PDE4D: variants seen among roughly 807,000 people sequenced by gnomAD.
The protein encoded by PDE4D is 3',5'-cyclic-AMP phosphodiesterase 4D.
PDE4D carries 24 observed loss-of-function variants against 87.4 expected under a neutral mutation model. That is an observed-to-expected ratio of 0.27 (90% CI 0.20 to 0.39). The LOEUF is 0.39. Ranked by LOEUF, PDE4D falls within the 10% of genes least tolerant of loss-of-function variation. The probability of loss-of-function intolerance (pLI) is 1.00; values close to 1 mark genes in which losing one functional copy is unlikely to be tolerated. For missense variants in PDE4D, 714 were observed against 1,041.0 expected (o/e 0.69, Z 4.32); for synonymous variants, 384 against 383.2 (o/e 1.00, Z -0.02).
chr5:59,070,086 C>T (rs1490698983), intron 5 of PDE4D, among the ~76,000 whole-genome samples: 2 of 152,106 alleles, frequency 1.3e-5, no homozygotes, highest in Non-Finnish European at 1.5e-5. Context: ...AGAAATATTA[C>T]AGCAATTTCT....
At chr5:59,704,087 G>A (rs1458484527) in intron 1 of PDE4D, among the ~76,000 whole-genome samples, 3 of 152,138 alleles carry the variant, frequency 2.0e-5, no homozygotes, top group East Asian at 3.9e-4. Context: ...CAAGGAGTGC[G>A]AGGGAGGTAA....
At chr5:59,601,045 A>T (rs2150029555) in intron 1 of PDE4D, among the ~76,000 whole-genome samples, 1 of 152,282 alleles carries the variant, frequency 6.6e-6, no homozygotes, top group East Asian at 1.9e-4. Context: ...TTCTGTTTGG[A>T]GGATCTAGCA....
intron 1 of PDE4D, among the ~76,000 whole-genome samples, chr5:59,563,180 G>A (rs1037568128): frequency 5.3e-5 from 8 of 152,174 alleles, no homozygotes; most frequent in South Asian, 2.1e-4. Flanking sequence ...ACATGCTGCT[G>A]AGCAGATGAT....
At chr5:60,368,096 T>A (rs983456356) in intron 1 of PDE4D, among the ~76,000 whole-genome samples, 2 of 152,154 alleles carry the variant, frequency 1.3e-5, no homozygotes, top group Non-Finnish European at 2.9e-5. Flanking sequence ...AAGCTGCAAA[T>A]ATTTCAAAGA....
chr5:59,778,733 G>A (rs1366972518), intron 1 of PDE4D, among the ~76,000 whole-genome samples: 1 of 152,164 alleles, frequency 6.6e-6, no homozygotes, highest in African/African-American at 2.4e-5. Flanking sequence ...CTAGACACAG[G>A]TAGAAAAGGA....
At chr5:59,395,201 G>C (rs559242563) in intron 1 of PDE4D, among the ~76,000 whole-genome samples, 7 of 151,952 alleles carry the variant, frequency 4.6e-5, no homozygotes, top group African/African-American at 9.7e-5. Context: ...CAAAGCAGCC[G>C]GGAAGCTCCA....
At chr5:59,573,349 A>C (rs1324639507) in intron 1 of PDE4D, among the ~76,000 whole-genome samples, 1 of 152,128 alleles carries the variant, frequency 6.6e-6, no homozygotes, top group Non-Finnish European at 1.5e-5. Context: ...CATCAAAATC[A>C]CTTACTTCAG....
chr5:59,068,057 A>G (rs936096129), intron 5 of PDE4D, among the ~76,000 whole-genome samples: 7 of 152,194 alleles, frequency 4.6e-5, no homozygotes, highest in Admixed American at 3.3e-4. Context: ...CATGAACCAC[A>G]TTGACTTGAG....
intron 3 of PDE4D, among the ~76,000 whole-genome samples, chr5:59,189,016 G>A (rs1258027424): frequency 6.6e-6 from 1 of 152,154 alleles, no homozygotes; most frequent in African/African-American, 2.4e-5. Context: ...AGCACAGTCT[G>A]CAAGCTTGAG....
chr5:60,295,000 G>A (rs1753245428), intron 1 of PDE4D, among the ~76,000 whole-genome samples: 1 of 152,078 alleles, frequency 6.6e-6, no homozygotes. Flanking sequence ...AATGAGCAAA[G>A]TATATCTCTC....
chr5:59,684,203 CT>C (rs1395462529), intron 1 of PDE4D, among the ~76,000 whole-genome samples: 1 of 152,198 alleles, frequency 6.6e-6, no homozygotes, highest in Non-Finnish European at 1.5e-5. Flanking sequence ...GCCCTCCCTT[CT>C]TTCCCAAAAG....
chr5:58,974,352 T>G lies in PDE4D; in HGVS notation c.*312A>C. ...AGAAACCCCAAGTCCAATAAACTTTTGGGCTGCCTGATGAGTCACACTCTC... is the reference window on the plus strand; with the variant it reads ...AGAAACCCCAAGTCCAATAAACTTTGGGGCTGCCTGATGAGTCACACTCTC... On this transcript the variant is annotated 3_prime_UTR_variant, in exon 15 of 15. Transcript: ENST00000340635. 1 of 212,382 alleles carries G rather than the reference T, an allele frequency of 4.7e-6. No individual in the cohort carries two copies. 13.2% of individuals were successfully genotyped at this position (212,382 alleles called of 1,614,324 possible).
chr5:59,938,549 A>T (rs1756855512), intron 3 of PDE4D, among the ~76,000 whole-genome samples: 1 of 152,176 alleles, frequency 6.6e-6, no homozygotes, highest in Non-Finnish European at 1.5e-5. Flanking sequence ...TAGGCCAAAA[A>T]GGCTTCAGAC....
intron 5 of PDE4D, among the ~76,000 whole-genome samples, chr5:59,067,829 AAAAAAG>A (rs1414493978): frequency 3.9e-5 from 6 of 152,240 alleles, no homozygotes; most frequent in Non-Finnish European, 7.3e-5. Flanking sequence ...AAAAGAAAAC[AAAAAAG>A]AAAAAGGACA....
At chr5:59,768,490 G>A (rs763393916) in intron 1 of PDE4D, 13 of 1,598,304 alleles carry the variant, frequency 8.1e-6, no homozygotes, top group East Asian at 2.2e-5. Flanking sequence ...TAAAGTGTCC[G>A]GGCTTGTCTG....
intron 1 of PDE4D, among the ~76,000 whole-genome samples, chr5:60,499,388 T>A (rs1252287318): frequency 1.3e-5 from 2 of 152,208 alleles, no homozygotes; most frequent in Non-Finnish European, 2.9e-5. Flanking sequence ...CAGAATTTCA[T>A]GAACTTTCAT....
At position 59,527,657 on chromosome 5, in the gene PDE4D, T is replaced by C. The variant is rs188731402; in HGVS notation, c.456-311689A>G. 1.9e-3 allele frequency among the ~76,000 whole-genome samples: 297 copies of C among 152,322 alleles called. 1 individual carries two copies. Among genetic ancestry groups the C allele is most frequent in the South Asian group, 0.019 (93 of 4,826 alleles). On this transcript the variant is annotated intron_variant, in intron 1 of 14. Coordinates refer to ENST00000340635, the MANE Select transcript of PDE4D (RefSeq NM_001104631.2). ...TGGCCAGCTTTCCAAACCTTCCAAATTGTATATCACTTTCTTCTCTTTTAA... is the reference window on the plus strand; with the variant it reads ...TGGCCAGCTTTCCAAACCTTCCAAACTGTATATCACTTTCTTCTCTTTTAA...
intron 3 of PDE4D, among the ~76,000 whole-genome samples, chr5:59,909,977 C>G (rs1348352800): frequency 6.6e-6 from 1 of 152,156 alleles, no homozygotes; most frequent in East Asian, 1.9e-4. Flanking sequence ...ATATACCCCC[C>G]ACCATCGTAC....
chr5:58,986,243 A>G (rs1028864770), intron 11 of PDE4D, among the ~76,000 whole-genome samples: 2 of 152,238 alleles, frequency 1.3e-5, no homozygotes, highest in African/African-American at 2.4e-5. Context: ...AGATAAAATT[A>G]TCTTCTTCAG....
Sources: allele counts gnomAD v4.1 joint callset (sites outside exome capture counted in the v4.1 genomes callset), GRCh38; gene constraint gnomAD v4.1.1; transcripts MANE v1.5; gene names NCBI Gene and HGNC (gene_info 2026-07-23, HGNC 2026-07-21).